Variants in SNTG1 observed in about 807,000 individuals in gnomAD.
SNTG1 encodes the protein gamma-1-syntrophin.
In SNTG1, 39 loss-of-function variants were observed where a neutral mutation model predicts 74.7. The ratio of observed to expected loss-of-function variants is 0.52; its 90% CI spans 0.40 to 0.68. The LOEUF (loss-of-function observed/expected upper bound fraction) is 0.68, where lower values mean the gene tolerates loss of function less well. Ranked by LOEUF, SNTG1 falls within the 30% of genes least tolerant of loss-of-function variation. SNTG1 has a pLI of 0.00. For missense variants in SNTG1, 685 were observed against 609.5 expected (o/e 1.12, Z -1.30); for synonymous variants, 254 against 217.1 (o/e 1.17, Z -1.49).
chr8:50,274,312 C>T (rs2087966780), intron 2 of SNTG1, among the ~76,000 whole-genome samples: 1 of 151,996 alleles, frequency 6.6e-6, no homozygotes, highest in Admixed American at 6.6e-5. Context: ...GTCTCAAACT[C>T]CTGACCTCAA....
At position 50,681,027 on chromosome 8, in the gene SNTG1, T is replaced by TA. The variant is rs542059548; in HGVS notation, c.1038+22372dup. ...TTGTTTTAGGAGAAATGCTTTCAAGTAAAAAAAAGTCATACTCATCTCAAC... is the reference window on the plus strand; with the variant it reads ...TTGTTTTAGGAGAAATGCTTTCAAGTAAAAAAAAAGTCATACTCATCTCAAC... On this transcript the variant is annotated intron_variant, in intron 15 of 18. Coordinates refer to ENST00000642720, the MANE Select transcript of SNTG1 (RefSeq NM_018967.5). Among the ~76,000 whole-genome samples, 475 of 151,970 alleles carry TA rather than the reference T, an allele frequency of 3.1e-3. 4 individuals carry two copies. The highest frequency in any genetic ancestry group is 0.011 in the African/African-American group (455 of 41,462).
At chr8:50,443,276 T>C (rs898486764) in intron 5 of SNTG1, among the ~76,000 whole-genome samples, 2 of 152,184 alleles carry the variant, frequency 1.3e-5, no homozygotes, top group Non-Finnish European at 2.9e-5. Flanking sequence ...TCATTGTCAT[T>C]TAAAAATTTA....
intron 17 of SNTG1, among the ~76,000 whole-genome samples, chr8:50,745,445 T>C (rs2095553029): frequency 6.6e-6 from 1 of 152,018 alleles, no homozygotes. Context: ...TAACCCTTTC[T>C]TTCACATTGC....
chr8:50,781,541 G>A (rs1056791910), intron 18 of SNTG1, among the ~76,000 whole-genome samples: 3 of 151,702 alleles, frequency 2.0e-5, no homozygotes, highest in African/African-American at 7.3e-5. Context: ...GCCTTTTTTT[G>A]TTTTCCATTT....
At chr8:50,110,234 C>T (rs1429559903) in intron 1 of SNTG1, among the ~76,000 whole-genome samples, 2 of 152,158 alleles carry the variant, frequency 1.3e-5, no homozygotes, top group Non-Finnish European at 2.9e-5. Context: ...AGGGACATTG[C>T]TTTCCATCTA....
intron 1 of SNTG1, among the ~76,000 whole-genome samples, chr8:50,076,409 T>C (rs1395486611): frequency 1.3e-5 from 2 of 152,210 alleles, no homozygotes; most frequent in African/African-American, 4.8e-5. Context: ...AATGTATGAA[T>C]TCCAATGCAA....
chr8:50,324,175 T>A lies in SNTG1; in HGVS notation c.-27-70037T>A, dbSNP rs149615259. 1.2e-3 allele frequency among the ~76,000 whole-genome samples: 179 copies of A among 152,330 alleles called. 1 individual carries two copies. The highest frequency in any genetic ancestry group is 3.9e-3 in the African/African-American group (162 of 41,580). On this transcript the variant is annotated intron_variant, in intron 2 of 18. Transcript: ENST00000642720. Reference sequence around the variant, plus strand: ...TGGGCCATTCCTCTCCAGCTAGGGCTGGTAAATATTTTCCCTCCTTGTGCC... The same window carrying A: ...TGGGCCATTCCTCTCCAGCTAGGGCAGGTAAATATTTTCCCTCCTTGTGCC...
intron 8 of SNTG1, among the ~76,000 whole-genome samples, chr8:50,483,791 G>T (rs1423937782): frequency 6.6e-6 from 1 of 152,144 alleles, no homozygotes; most frequent in East Asian, 1.9e-4. Flanking sequence ...TGTGATAGGG[G>T]TTAGCTTTGT....
chr8:50,668,559 A>T (rs747005748), intron 15 of SNTG1, among the ~76,000 whole-genome samples: 6 of 151,050 alleles, frequency 4.0e-5, no homozygotes, highest in Non-Finnish European at 7.4e-5. Flanking sequence ...TCTGGGATAC[A>T]TGTGCAAAAT....
intron 18 of SNTG1, among the ~76,000 whole-genome samples, chr8:50,780,891 C>G (rs560200228): frequency 1.3e-5 from 2 of 152,266 alleles, no homozygotes; most frequent in South Asian, 2.1e-4. Flanking sequence ...CCCAGAGATT[C>G]TGGTATATTG....
chr8:50,092,034 G>C (rs1027484150), intron 1 of SNTG1, among the ~76,000 whole-genome samples: 1 of 151,994 alleles, frequency 6.6e-6, no homozygotes, highest in Non-Finnish European at 1.5e-5. Flanking sequence ...TTCCCACTTC[G>C]TATTCTAAGG....
At chr8:50,354,713 T>A (rs1380425970) in intron 2 of SNTG1, among the ~76,000 whole-genome samples, 1 of 152,136 alleles carries the variant, frequency 6.6e-6, no homozygotes. Flanking sequence ...GGTCTGCAGG[T>A]CAGGATCTCA....
chr8:50,116,819 G>A (rs1213395662), intron 1 of SNTG1, among the ~76,000 whole-genome samples: 1 of 152,042 alleles, frequency 6.6e-6, no homozygotes, highest in Non-Finnish European at 1.5e-5. Flanking sequence ...TAACTTCTGA[G>A]CTCTATGCTA....
intron 13 of SNTG1, among the ~76,000 whole-genome samples, chr8:50,615,403 A>C (rs182615396): frequency 5.4e-4 from 83 of 152,346 alleles, no homozygotes; most frequent in Admixed American, 5.4e-3. Flanking sequence ...AGTTTAATTA[A>C]AGCATCTTAG....
chr8:50,474,651 T>G (rs2093681286), intron 8 of SNTG1, among the ~76,000 whole-genome samples: 1 of 152,156 alleles, frequency 6.6e-6, no homozygotes. Flanking sequence ...AGTTCAAATG[T>G]TGTGGAAGTC....
At chr8:49,993,267 T>C (rs1042375713) in intron 1 of SNTG1, among the ~76,000 whole-genome samples, 1 of 152,070 alleles carries the variant, frequency 6.6e-6, no homozygotes, top group Non-Finnish European at 1.5e-5. Context: ...TTTACAAGGT[T>C]CTCTAAGTAT....
intron 2 of SNTG1, among the ~76,000 whole-genome samples, chr8:50,240,696 G>T (rs1417572543): frequency 6.6e-6 from 1 of 152,098 alleles, no homozygotes; most frequent in Non-Finnish European, 1.5e-5. Flanking sequence ...CAACACTTCG[G>T]TTCTTCATGT....
intron 17 of SNTG1, among the ~76,000 whole-genome samples, chr8:50,751,358 T>C (rs145604442): frequency 4.3e-4 from 65 of 152,192 alleles, no homozygotes; most frequent in African/African-American, 1.4e-3. Context: ...AGACAAAAAC[T>C]TGTTATAGAC....
intron 2 of SNTG1, among the ~76,000 whole-genome samples, chr8:50,328,755 C>A (rs1188136758): frequency 6.6e-6 from 1 of 152,142 alleles, no homozygotes; most frequent in African/African-American, 2.4e-5. Flanking sequence ...TCATTCTGCC[C>A]ATGGCCCCTC....
Sources: gnomAD v4.1 joint callset for allele counts (sites outside exome capture counted in the v4.1 genomes callset) on GRCh38, gnomAD v4.1.1 for gene constraint, MANE v1.5 for transcripts, NCBI Gene and HGNC (gene_info 2026-07-23, HGNC 2026-07-21) for gene names.